Variants in CAPZB observed in about 807,000 individuals in gnomAD.
The protein encoded by CAPZB is F-actin-capping protein subunit beta.
Under a neutral mutation model 38.1 loss-of-function variants are expected in CAPZB, and 2 were observed. That is an observed-to-expected ratio of 0.05 (90% CI 0.02 to 0.17). CAPZB has a LOEUF of 0.17. Ranked by LOEUF, CAPZB falls within the 10% of genes least tolerant of loss-of-function variation. The pLI is 1.00. For missense variants in CAPZB, 161 were observed against 334.2 expected, an observed-to-expected ratio of 0.48 and a Z score of 4.04; for synonymous variants, 107 against 127.4, an observed-to-expected ratio of 0.84 and a Z score of 1.08.
chr1:19,458,545 G>A (rs1387920254), intron 1 of CAPZB, among the ~76,000 whole-genome samples: 1 of 152,162 alleles, frequency 6.6e-6, no homozygotes, highest in South Asian at 2.1e-4. Flanking sequence ...TAGTAGAGAC[G>A]GGGTTTCGCC....
At chr1:19,484,694 G>C in intron 1 of CAPZB, 2 of 1,120,314 alleles carry the variant, frequency 1.8e-6, no homozygotes, top group South Asian at 4.1e-5. Flanking sequence ...ACCAGGCAGG[G>C]GGCAGGACCC....
chr1:19,390,307 C>T (rs12140654), intron 2 of CAPZB, among the ~76,000 whole-genome samples: 38,199 of 152,030 alleles, frequency 0.25, 4,889 homozygotes, highest in Non-Finnish European at 0.28. Context: ...GTGCATGTGG[C>T]ACTGGCTCTG....
intron 1 of CAPZB, among the ~76,000 whole-genome samples, chr1:19,455,298 C>T (rs530148761): frequency 2.0e-5 from 3 of 152,338 alleles, no homozygotes; most frequent in South Asian, 2.1e-4. Context: ...TCAGCAAATG[C>T]TAACACAGGG....
At position 19,401,856 on chromosome 1, in the gene CAPZB, A is replaced by C. The variant is rs1419095254; in HGVS notation, c.94-16230T>G. On this transcript the variant is annotated intron_variant, in intron 2 of 8. Transcript: ENST00000264202. ...GCCCCCTGCTCCACCCAGAGGGGAC[A>C]TCTGCTTATTTGGCTTCCAGGTGGT... Among the ~76,000 whole-genome samples, 3 of 152,216 alleles carry C rather than the reference A, an allele frequency of 2.0e-5. No homozygotes were observed. In the East Asian group the frequency reaches 5.8e-4, roughly 29 times the overall value.
At chr1:19,449,290 GCACTGGCCTGGCGAGATGCGAGT>G in intron 1 of CAPZB, 1 of 1,050,760 alleles carries the variant, frequency 9.5e-7, no homozygotes, top group Admixed American at 4.5e-5. Context: ...AAGAGGAAAT[GCACTGGCCTGGCGAGATGCGAGT>G]CACGGTCAGG....
chr1:19,350,026 G>A (rs989077527), intron 6 of CAPZB, among the ~76,000 whole-genome samples: 5 of 152,244 alleles, frequency 3.3e-5, no homozygotes, highest in Non-Finnish European at 5.9e-5. Context: ...CCACGAGGTG[G>A]TTCCAATGGC....
In CAPZB at chr1:19,339,388, A is replaced by G. The variant is rs1395439045; in HGVS notation, c.*142T>C. The G allele has an allele frequency of 1.5e-5, 11 of 712,040 alleles. No homozygotes were observed. Among genetic ancestry groups the G allele is most frequent in the East Asian group, 2.5e-5 (1 of 40,632 alleles). The allele number at this position is 712,040 out of a possible 1,614,324, so 44.1% of individuals were successfully genotyped here. A position where few individuals can be genotyped will look rare whatever the true frequency, so the allele number is the denominator to read the frequency against. ...GGCTATCGGCTTTATTCTCAGGGAG[A>G]GATGGCGCTGTGCGGTCAATGATGC... On this transcript the variant is annotated 3_prime_UTR_variant, in exon 9 of 9. Coordinates refer to ENST00000264202, the MANE Select transcript of CAPZB (RefSeq NM_004930.5).
At chr1:19,397,460 C>T (rs1026449201) in intron 2 of CAPZB, among the ~76,000 whole-genome samples, 14 of 152,176 alleles carry the variant, frequency 9.2e-5, no homozygotes, top group African/African-American at 2.2e-4. Context: ...GAAAGCCATG[C>T]GATCCCACCC....
intron 1 of CAPZB, among the ~76,000 whole-genome samples, chr1:19,433,515 ACAAAACCCT>A (rs1376205097): frequency 6.6e-6 from 1 of 152,226 alleles, no homozygotes; most frequent in Non-Finnish European, 1.5e-5. Flanking sequence ...GTTTACTCCA[ACAAAACCCT>A]GCACATGGCT....
At chr1:19,477,000 A>T (rs1340984601) in intron 1 of CAPZB, among the ~76,000 whole-genome samples, 1 of 152,230 alleles carries the variant, frequency 6.6e-6, no homozygotes, top group Non-Finnish European at 1.5e-5. Context: ...GGGGCCCTTC[A>T]GCAAGTTACT....
chr1:19,379,690 T>C (rs891714609), intron 3 of CAPZB, among the ~76,000 whole-genome samples: 7 of 152,212 alleles, frequency 4.6e-5, no homozygotes, highest in African/African-American at 1.4e-4. Context: ...CCCAAAAGAC[T>C]TGCTGTATTT....
intron 1 of CAPZB, among the ~76,000 whole-genome samples, chr1:19,471,865 C>CAAAAAA (rs59289947): frequency 1.5e-5 from 2 of 134,418 alleles, no homozygotes; most frequent in African/African-American, 5.9e-5. Flanking sequence ...GACTCCGTCT[C>CAAAAAA]AAAAAAAAAA....
At chr1:19,397,584 G>A (rs925834640) in intron 2 of CAPZB, among the ~76,000 whole-genome samples, 2 of 152,164 alleles carry the variant, frequency 1.3e-5, no homozygotes, top group Admixed American at 1.3e-4. Context: ...GGCAAGATTG[G>A]TTTTTCACAC....
chr1:19,371,349 A>G (rs1402535611), intron 4 of CAPZB, among the ~76,000 whole-genome samples: 1 of 152,232 alleles, frequency 6.6e-6, no homozygotes, highest in African/African-American at 2.4e-5. Flanking sequence ...AGATGCACGT[A>G]CAGATACCTG....
intron 1 of CAPZB, chr1:19,449,021 G>A (rs939670377): frequency 6.5e-6 from 10 of 1,531,610 alleles, no homozygotes; most frequent in South Asian, 2.4e-5. Context: ...CAGGCTGCTC[G>A]CTGCCCGCTC....
chr1:19,357,671 G>T lies in CAPZB; in HGVS notation c.330-108C>A. On this transcript the variant is annotated intron_variant, in intron 4 of 8. Transcript: ENST00000264202. This position sits in a 1 kb window ranked among gnomAD's most constrained non-coding sequence, Gnocchi z 4.3. ...TTCTGGGATTCAGGGCCCTCCCTGC[G>T]ACAGTTATGGGAGCCGATCCTTGGG... 1 of 1,052,010 alleles carries T rather than the reference G, an allele frequency of 9.5e-7. No individual in the cohort carries two copies. Among genetic ancestry groups the T allele is most frequent in the Non-Finnish European group, 1.4e-6 (1 of 706,260 alleles). The allele number at this position is 1,052,010 out of a possible 1,614,324, so 65.2% of individuals were successfully genotyped here. A position where few individuals can be genotyped will look rare whatever the true frequency, so the allele number is the denominator to read the frequency against.
intron 6 of CAPZB, among the ~76,000 whole-genome samples, chr1:19,350,462 GGT>G (rs2093985655): frequency 6.6e-6 from 1 of 152,282 alleles, no homozygotes; most frequent in Non-Finnish European, 1.5e-5. Context: ...GTGGGTTGGA[GGT>G]CAGGACCCGG....
chr1:19,353,625 C>T (rs761308), intron 6 of CAPZB, among the ~76,000 whole-genome samples: 26,404 of 152,160 alleles, frequency 0.17, 2,829 homozygotes, highest in Non-Finnish European at 0.22. Context: ...GTAACAGCTT[C>T]CCCCTGACCA....
intron 1 of CAPZB, among the ~76,000 whole-genome samples, chr1:19,421,682 G>A (rs1399114362): frequency 1.3e-5 from 2 of 152,188 alleles, no homozygotes; most frequent in Admixed American, 1.3e-4. Context: ...AAGCTGATTC[G>A]ACTCTAGAGA....
Sources: gnomAD v4.1 joint callset for allele counts (sites outside exome capture counted in the v4.1 genomes callset) on GRCh38, gnomAD v4.1.1 for gene constraint, Gnocchi (gnomAD v3.1) non-coding constraint, MANE v1.5 for transcripts, NCBI Gene and HGNC (gene_info 2026-07-23, HGNC 2026-07-21) for gene names.